The following DSE variants were observed in gnomAD, a reference collection of about 807,000 sequenced individuals.
DSE encodes dermatan-sulfate epimerase.
Under a neutral mutation model 84.4 loss-of-function variants are expected in DSE, and 36 were observed. The observed-to-expected ratio is 0.43, with a 90% CI of 0.33 to 0.56. The LOEUF is 0.56. Among genes scored for constraint, DSE ranks in the 20% least tolerant of loss-of-function variants. The pLI is 0.06. For synonymous variants in DSE, 410 were observed against 430.1 expected, an observed-to-expected ratio of 0.95 and a Z score of 0.58; for missense variants, 862 against 1,169.6, an observed-to-expected ratio of 0.74 and a Z score of 3.84.
chr6:116,354,063 A>C (rs1419474470), intron 2 of DSE, among the ~76,000 whole-genome samples: 1 of 152,140 alleles, frequency 6.6e-6, no homozygotes, highest in Admixed American at 6.6e-5. Flanking sequence ...ATGTACACCT[A>C]TATCTACAGC....
At position 116,437,360 on chromosome 6, in the gene DSE, A is replaced by G. The variant is rs1245861640; in HGVS notation, c.*15A>G. On this transcript the variant is annotated 3_prime_UTR_variant, in exon 6 of 6. Coordinates refer to ENST00000644252, the MANE Select transcript of DSE (RefSeq NM_013352.4). ...CACAGTGTTAGCACTGAAGCTATAA[A>G]TTACCTGGTCATTTTGTGATCACAA... 6 of 1,553,962 alleles carry G rather than the reference A, an allele frequency of 3.9e-6. No homozygotes were observed. Among genetic ancestry groups the G allele is most frequent in the Non-Finnish European group, 5.2e-6 (6 of 1,153,390 alleles).
At chr6:116,340,491 TTTA>T (rs1295309552) in intron 2 of DSE, among the ~76,000 whole-genome samples, 1 of 152,156 alleles carries the variant, frequency 6.6e-6, no homozygotes, top group Non-Finnish European at 1.5e-5. Flanking sequence ...TGTCATTTTT[TTTA>T]TTATTATTAT....
chr6:116,394,417 A>T (rs1781110356), intron 1 of DSE, among the ~76,000 whole-genome samples: 1 of 151,590 alleles, frequency 6.6e-6, no homozygotes, highest in South Asian at 2.1e-4. Context: ...TTGCTATCTG[A>T]ATTATAGCAG....
At chr6:116,369,881 G>A (rs1158693140), upstream of DSE, 7 of 1,288,594 alleles carry the variant, frequency 5.4e-6, no homozygotes, top group South Asian at 8.6e-5. Context: ...AGAACTCATG[G>A]AGAAAAGCAC....
intron 2 of DSE, among the ~76,000 whole-genome samples, chr6:116,362,994 A>T (rs560202060): frequency 1.1e-4 from 17 of 152,326 alleles, no homozygotes; most frequent in Middle Eastern, 6.8e-3. Flanking sequence ...AGGGGAAGTA[A>T]AAACAGAATT....
At chr6:116,348,426 CAAAAAAAACA>C (rs1158081226) in intron 2 of DSE, among the ~76,000 whole-genome samples, 7 of 111,378 alleles carry the variant, frequency 6.3e-5, no homozygotes, top group African/African-American at 1.2e-4. Context: ...GACTCCGTCT[CAAAAAAAACA>C]AAAAAAAACA....
intron 1 of DSE, among the ~76,000 whole-genome samples, chr6:116,375,952 A>G (rs529505002): frequency 6.6e-6 from 1 of 152,348 alleles, no homozygotes; most frequent in East Asian, 1.9e-4. Context: ...TCAAGTCATT[A>G]GTGGTATACC....
chr6:116,261,433 T>C (rs1215777973), intron 2 of DSE, among the ~76,000 whole-genome samples: 3 of 152,154 alleles, frequency 2.0e-5, no homozygotes, highest in African/African-American at 7.2e-5. Context: ...GTTTTTGGTG[T>C]GTAGGAATGC....
At chr6:116,303,596 A>ACTTCCC (rs1405351062) in intron 2 of DSE, among the ~76,000 whole-genome samples, 2 of 152,136 alleles carry the variant, frequency 1.3e-5, no homozygotes, top group East Asian at 3.9e-4. Flanking sequence ...TTCTTTTTCC[A>ACTTCCC]CTTCCCCTTC....
At chr6:116,331,819 T>C (rs1277545113) in intron 2 of DSE, among the ~76,000 whole-genome samples, 3 of 152,130 alleles carry the variant, frequency 2.0e-5, no homozygotes, top group Non-Finnish European at 4.4e-5. Flanking sequence ...TAGCTGGGCA[T>C]GGTGGCACGC....
chr6:116,402,902 T>C (rs1781684051), intron 2 of DSE, among the ~76,000 whole-genome samples: 1 of 152,214 alleles, frequency 6.6e-6, no homozygotes, highest in Non-Finnish European at 1.5e-5. Flanking sequence ...AATTTATTAA[T>C]GGGGTTCATT....
intron 2 of DSE, 85 bp from the exon 3 acceptor site, chr6:116,426,489 T>C (rs1783461675): frequency 6.5e-7 from 1 of 1,534,486 alleles, no homozygotes; most frequent in Admixed American, 1.9e-5. Context: ...GTGTGCCCTT[T>C]AGTTCTGAGA....
At chr6:116,402,449 C>A (rs1248697545) in intron 2 of DSE, among the ~76,000 whole-genome samples, 1 of 152,108 alleles carries the variant, frequency 6.6e-6, no homozygotes, top group African/African-American at 2.4e-5. Context: ...GCAGTAACAA[C>A]CCTATCTACC....
intron 2 of DSE, among the ~76,000 whole-genome samples, chr6:116,280,779 C>T (rs1773478051): frequency 1.3e-5 from 2 of 152,138 alleles, no homozygotes; most frequent in East Asian, 3.9e-4. Flanking sequence ...AGAGAAATAT[C>T]AGTGGGGGGA....
At chr6:116,254,209 C>T (rs1772046039) in exon 1 of DSE, 2 of 719,764 alleles carry the variant, frequency 2.8e-6, no homozygotes, top group South Asian at 1.5e-5. Context: ...CCATCGTATT[C>T]CTTTGTCTTC....
At chr6:116,319,014 T>C (rs1385705137) in intron 2 of DSE, among the ~76,000 whole-genome samples, 1 of 152,212 alleles carries the variant, frequency 6.6e-6, no homozygotes, top group Non-Finnish European at 1.5e-5. Context: ...AGTAGTCTCT[T>C]CTAGAAATTG....
At chr6:116,353,442 C>A (rs930395439) in intron 2 of DSE, among the ~76,000 whole-genome samples, 10 of 152,158 alleles carry the variant, frequency 6.6e-5, no homozygotes, top group African/African-American at 2.4e-4. Flanking sequence ...TTCATGAGTG[C>A]CTTCTTAATT....
intron 3 of DSE, 82 bp downstream of exon 3, chr6:116,426,909 C>G (rs1232032320): frequency 6.0e-6 from 9 of 1,511,596 alleles, no homozygotes; most frequent in Non-Finnish European, 8.0e-6. Flanking sequence ...TTTTTATAAC[C>G]ATTCTTAGTA....
Position 116,399,564 on chromosome 6 carries a change from A to G in DSE, c.314A>G (p.Asn105Ser), listed in dbSNP as rs1781470413. The G allele has an allele frequency of 6.2e-7, 1 of 1,614,112 alleles. No individual in the cohort carries two copies. The highest frequency in any genetic ancestry group is 1.3e-5 in the African/African-American group (1 of 74,940). ...SARWNEIFGN[N>S]LGALAMFCVL... ...CGCTGGAATGAAATTTTTGGAAACA[A>G]CTTGGGTGCCTTGGCAATGTTCTGT... Residue 105 changes from asparagine to serine, a missense_variant, in exon 2 of 6, where the codon AAC (asparagine) becomes AGC (serine). By Grantham distance (46) the Asn-to-Ser change is conservative. Coordinates refer to ENST00000644252, the MANE Select transcript of DSE (RefSeq NM_013352.4).
Sources: allele counts gnomAD v4.1 joint callset (sites outside exome capture counted in the v4.1 genomes callset), GRCh38; gene constraint gnomAD v4.1.1; transcripts MANE v1.5; gene names NCBI Gene and HGNC (gene_info 2026-07-23, HGNC 2026-07-21).